The following ERBB4 variants were observed in gnomAD, a reference collection of about 807,000 sequenced individuals.
The protein encoded by ERBB4 is receptor tyrosine-protein kinase erbB-4.
In ERBB4, 42 loss-of-function variants were observed where a neutral mutation model predicts 158.0. The ratio of observed to expected loss-of-function variants is 0.27; its 90% CI spans 0.21 to 0.34. The LOEUF (loss-of-function observed/expected upper bound fraction) is 0.34. ERBB4 is among the 10% of genes least tolerant of loss of function. ERBB4 has a pLI of 1.00. For synonymous variants in ERBB4, 583 were observed against 558.7 expected (o/e 1.04, Z -0.61); for missense variants, 1,333 against 1,624.1 (o/e 0.82, Z 3.08).
At chr2:212,387,802 G>C (rs2090728528) in intron 1 of ERBB4, among the ~76,000 whole-genome samples, 1 of 151,980 alleles carries the variant, frequency 6.6e-6, no homozygotes, top group African/African-American at 2.4e-5. Flanking sequence ...ATATCCCTTT[G>C]TATATGCTTT....
chr2:212,287,562 A>G (rs2086041073), intron 1 of ERBB4, among the ~76,000 whole-genome samples: 1 of 152,192 alleles, frequency 6.6e-6, no homozygotes, highest in Non-Finnish European at 1.5e-5. Context: ...AACAGGCTTC[A>G]TCGCTAGTCA....
At chr2:211,782,675 G>A (rs193256075) in intron 4 of ERBB4, among the ~76,000 whole-genome samples, 48 of 152,168 alleles carry the variant, frequency 3.2e-4, no homozygotes, top group African/African-American at 1.1e-3. Context: ...GAATGGATTC[G>A]GGAGCCAAAC....
At chr2:212,136,958 A>T (rs2080290156) in intron 1 of ERBB4, among the ~76,000 whole-genome samples, 1 of 152,118 alleles carries the variant, frequency 6.6e-6, no homozygotes, top group African/African-American at 2.4e-5. Flanking sequence ...TGGATAAAAA[A>T]CAAAAAGCAC....
chr2:212,053,110 G>C (rs939934365), intron 2 of ERBB4, among the ~76,000 whole-genome samples: 1 of 152,110 alleles, frequency 6.6e-6, no homozygotes, highest in Non-Finnish European at 1.5e-5. Flanking sequence ...TTGAGCCCAA[G>C]AGTTCAAGGC....
At position 211,382,914 on chromosome 2, in the gene ERBB4, G is replaced by A. The variant is rs958630732; in HGVS notation, c.*701C>T. 2.2e-5 allele frequency: 5 copies of A among 232,240 alleles called. No homozygotes were observed. The highest frequency in any genetic ancestry group is 1.1e-4 in the African/African-American group (5 of 45,192). The allele number at this position is 232,240 out of a possible 1,614,324, so 14.4% of individuals were successfully genotyped here. On this transcript the variant is annotated 3_prime_UTR_variant, in exon 28 of 28. Coordinates refer to ENST00000342788, the MANE Select transcript of ERBB4 (RefSeq NM_005235.3). Reference sequence around the variant, plus strand: ...AACATCTTTGCAATTAGAAATTAAAGCCAAAAATAGGGGAGCAAATATAAA... The same window carrying A: ...AACATCTTTGCAATTAGAAATTAAAACCAAAAATAGGGGAGCAAATATAAA...
At chr2:212,280,344 G>T (rs1041130980) in intron 1 of ERBB4, among the ~76,000 whole-genome samples, 1 of 151,500 alleles carries the variant, frequency 6.6e-6, no homozygotes, top group Non-Finnish European at 1.5e-5. Context: ...AATGCCTTGG[G>T]TCTGGGCATC....
intron 2 of ERBB4, among the ~76,000 whole-genome samples, chr2:212,018,764 C>A (rs1035747137): frequency 6.6e-6 from 1 of 152,064 alleles, no homozygotes; most frequent in Non-Finnish European, 1.5e-5. Context: ...ATATTTTCCT[C>A]CTGATTTTCA....
chr2:211,930,644 G>A (rs1042205003), intron 3 of ERBB4, among the ~76,000 whole-genome samples: 1 of 152,082 alleles, frequency 6.6e-6, no homozygotes, highest in African/African-American at 2.4e-5. Context: ...CACTATCAGC[G>A]ATAGCCTACC....
chr2:212,280,884 A>G (rs2085731572), intron 1 of ERBB4, among the ~76,000 whole-genome samples: 1 of 151,742 alleles, frequency 6.6e-6, no homozygotes, highest in Non-Finnish European at 1.5e-5. Flanking sequence ...ACTGGGGATC[A>G]GAGAAAGTGT....
intron 2 of ERBB4, among the ~76,000 whole-genome samples, chr2:211,974,831 A>G (rs1559225754): frequency 6.6e-6 from 1 of 152,226 alleles, no homozygotes; most frequent in Non-Finnish European, 1.5e-5. Flanking sequence ...TGCTCATCTA[A>G]ATAATATTTT....
chr2:211,438,325 C>A (rs1338838163), intron 20 of ERBB4, among the ~76,000 whole-genome samples: 1 of 151,974 alleles, frequency 6.6e-6, no homozygotes, highest in African/African-American at 2.4e-5. Context: ...GTAGATGTCC[C>A]CCTTCAAATA....
At chr2:212,047,626 C>A (rs925972872) in intron 2 of ERBB4, among the ~76,000 whole-genome samples, 1 of 150,366 alleles carries the variant, frequency 6.7e-6, no homozygotes, top group Non-Finnish European at 1.5e-5. Context: ...GTACCCACCA[C>A]CACACTTGGC....
At chr2:211,960,512 C>G (rs564578468) in intron 2 of ERBB4, 1 of 152,036 alleles carries the variant, frequency 6.6e-6, no homozygotes, top group South Asian at 2.1e-4. Context: ...CACCAGGTAA[C>G]GAAATAACAG....
In ERBB4 at chr2:212,538,582, T is replaced by G. The variant is rs1365233318; in HGVS notation, c.-52A>C. On this transcript the variant is annotated 5_prime_UTR_variant, in exon 1 of 28. Transcript: ENST00000342788. ...GACAATTACATGTCCAAATGGCATA[T>G]CCCCCTTTCGGGCACGCGGAGGAGA... The G allele has an allele frequency of 2.6e-6, 4 of 1,553,170 alleles. No individual in the cohort carries two copies. Among genetic ancestry groups the G allele is most frequent in the Non-Finnish European group, 2.7e-6 (3 of 1,124,662 alleles).
chr2:212,191,264 T>C (rs1252029140), intron 1 of ERBB4, among the ~76,000 whole-genome samples: 1 of 152,054 alleles, frequency 6.6e-6, no homozygotes, highest in Non-Finnish European at 1.5e-5. Context: ...TTCTAACCAT[T>C]CCCCAGATGA....
chr2:211,643,957 G>A (rs1438383290), intron 16 of ERBB4, among the ~76,000 whole-genome samples: 1 of 151,986 alleles, frequency 6.6e-6, no homozygotes, highest in Admixed American at 6.6e-5. Context: ...AAGCAAATAT[G>A]TACTGAAAGA....
intron 20 of ERBB4, among the ~76,000 whole-genome samples, chr2:211,483,560 T>G (rs1367491566): frequency 6.8e-6 from 1 of 146,788 alleles, no homozygotes; most frequent in East Asian, 2.2e-4. Context: ...TTGGTTTTTG[T>G]GTTTTTTTTG....
At chr2:212,218,761 T>C (rs2083188438) in intron 1 of ERBB4, among the ~76,000 whole-genome samples, 1 of 151,390 alleles carries the variant, frequency 6.6e-6, no homozygotes, top group African/African-American at 2.4e-5. Context: ...TATCATGGGA[T>C]TTATCCTGGT....
intron 1 of ERBB4, among the ~76,000 whole-genome samples, chr2:212,419,444 A>C (rs997511369): frequency 3.9e-5 from 6 of 151,902 alleles, no homozygotes; most frequent in Non-Finnish European, 8.8e-5. Flanking sequence ...AAATAAGCCA[A>C]AACAAAAGAG....
Sources: gnomAD v4.1 joint callset for allele counts (sites outside exome capture counted in the v4.1 genomes callset) on GRCh38, gnomAD v4.1.1 for gene constraint, MANE v1.5 for transcripts, NCBI Gene and HGNC (gene_info 2026-07-23, HGNC 2026-07-21) for gene names.